Variants in SLC27A4 observed in about 807,000 individuals in gnomAD.
The protein encoded by SLC27A4 is long-chain fatty acid transport protein 4.
SLC27A4 carries 33 observed loss-of-function variants against 64.4 expected under a neutral mutation model. The observed-to-expected ratio is 0.51, with a 90% CI of 0.39 to 0.68. SLC27A4 has a LOEUF of 0.68. Among genes scored for constraint, SLC27A4 ranks in the 30% least tolerant of loss-of-function variants. The pLI is 0.00. For synonymous variants in SLC27A4, 377 were observed against 370.0 expected (o/e 1.02, Z -0.22); for missense variants, 824 against 883.5 (o/e 0.93, Z 0.85).
chr9:128,344,929 C>T (rs1832630453), intron 2 of SLC27A4, among the ~76,000 whole-genome samples: 1 of 152,146 alleles, frequency 6.6e-6, no homozygotes, highest in Non-Finnish European at 1.5e-5. Context: ...CCACGAGAGC[C>T]TTGATTTCCT....
At position 128,343,419 on chromosome 9, in the gene SLC27A4, C is replaced by T. The variant is rs1198733709; in HGVS notation, c.161+126C>T. The T allele has an allele frequency of 2.7e-6, 3 of 1,104,142 alleles. No homozygotes were observed. In the African/African-American group the frequency reaches 4.6e-5, roughly 17 times the overall value. The allele number at this position is 1,104,142 out of a possible 1,614,324, so 68.4% of individuals were successfully genotyped here. ...AGGGCAGCTGAGCTGAGTTCCAGAA[C>T]AGCAGCCTCTGCTCCACACCCGTAC... On this transcript the variant is annotated intron_variant, in intron 2 of 12. Transcript: ENST00000300456.
Position 128,353,246 on chromosome 9 carries a change from T to C in SLC27A4, c.1197+12T>C, listed in dbSNP as rs982098170. On this transcript the variant is annotated intron_variant, in intron 8 of 12. Transcript: ENST00000300456. The surrounding 1 kb of genome is among the most constrained non-coding windows in gnomAD (Gnocchi z 4.9). ...ACTTCGACAGCCAGGTGCGGCCAGGTTGGGGATGGGCGAGGCTGCTGCAGG... is the reference window on the plus strand; with the variant it reads ...ACTTCGACAGCCAGGTGCGGCCAGGCTGGGGATGGGCGAGGCTGCTGCAGG... 6.2e-7 allele frequency: 1 copy of C among 1,613,258 alleles called. No homozygotes were observed. The highest frequency in any genetic ancestry group is 1.3e-5 in the African/African-American group (1 of 74,838).
At chr9:128,347,622 G>A (rs1403493332) in intron 3 of SLC27A4, among the ~76,000 whole-genome samples, 1 of 151,374 alleles carries the variant, frequency 6.6e-6, no homozygotes, top group Non-Finnish European at 1.5e-5. Context: ...GGCTACTCAG[G>A]AGGCTGAGGC....
Position 128,345,345 on chromosome 9 carries a change from C to T in SLC27A4, c.352C>T (p.Leu118=), listed in dbSNP as rs587776376. ...GTACTCAAGCAGTGTAGCCAACTTC[C>T]TGCAGGCCCGGGGCCTGGCCTCGGG... ...DEYSSSVANF[L]QARGLASGDV... The change falls in exon 3 of 13, where the codon CTG becomes TTG. Residue 118 remains leucine (L), a synonymous_variant. Transcript: ENST00000300456. The surrounding 1 kb of genome is among the most constrained non-coding windows in gnomAD (Gnocchi z 4.1). 6.2e-7 allele frequency: 1 copy of T among 1,613,748 alleles called. No individual in the cohort carries two copies. Among genetic ancestry groups the T allele is most frequent in the East Asian group, 2.2e-5 (1 of 44,880 alleles).
chr9:128,357,129 G>T (rs1002197318), intron 12 of SLC27A4, among the ~76,000 whole-genome samples: 2 of 151,424 alleles, frequency 1.3e-5, no homozygotes, highest in East Asian at 3.9e-4. Context: ...AGGCATGGTG[G>T]TGGGCGCCTG....
chr9:128,359,830 A>AT (rs917228103), intron 12 of SLC27A4, among the ~76,000 whole-genome samples: 9 of 152,114 alleles, frequency 5.9e-5, no homozygotes, highest in African/African-American at 2.2e-4. Flanking sequence ...AATACCATGA[A>AT]TTTTTTATGT....
chr9:128,347,890 A>G (rs1270869822), intron 3 of SLC27A4, among the ~76,000 whole-genome samples: 1 of 151,684 alleles, frequency 6.6e-6, no homozygotes, highest in Non-Finnish European at 1.5e-5. Context: ...AAAAAAAAAA[A>G]AAAAGAAAGG....
intron 4 of SLC27A4, among the ~76,000 whole-genome samples, chr9:128,349,474 G>A (rs1030801027): frequency 3.3e-5 from 5 of 152,150 alleles, no homozygotes; most frequent in Non-Finnish European, 7.3e-5. Flanking sequence ...CTGAAGCTAG[G>A]GTGTGGCAGG....
rs1219271186 is a variant in SLC27A4, at chr9:128,353,274, T to C, written c.1197+40T>C. 6.2e-6 allele frequency: 10 copies of C among 1,610,864 alleles called. No individual in the cohort carries two copies. Among genetic ancestry groups the C allele is most frequent in the African/African-American group, 2.7e-5 (2 of 74,970 alleles). ...GGGATGGGCGAGGCTGCTGCAGGGA[T>C]GGCCCACAGAAGGCACTGGATGCAG... On this transcript the variant is annotated intron_variant, in intron 8 of 12. Transcript: ENST00000300456. This position sits in a 1 kb window ranked among gnomAD's most constrained non-coding sequence, Gnocchi z 4.9.
chr9:128,355,940 G>A (rs1378139645), intron 12 of SLC27A4, 144 bp downstream of exon 12: 1 of 1,071,050 alleles, frequency 9.3e-7, no homozygotes, highest in Non-Finnish European at 1.4e-6. Context: ...GAGGTGAGCA[G>A]ACGGGGCTGG....
In SLC27A4 at chr9:128,348,681, T is replaced by C; in HGVS notation, c.693T>C (p.Ser231=). 2 of 1,614,060 alleles carry C rather than the reference T, an allele frequency of 1.2e-6. No individual in the cohort carries two copies. The highest frequency in any genetic ancestry group is 1.7e-6 in the Non-Finnish European group (2 of 1,180,032). The part of the protein sequence containing the change: ...LLKDAPKHLP[S]CPDKGFTDKL... ...AAGATGCTCCCAAGCACCTTCCCAG[T>C]TGCCCTGACAAGGGCTTCACAGGTG... The change falls in exon 4 of 13, where the codon AGT becomes AGC. Residue 231 remains serine, a synonymous_variant. Coordinates refer to ENST00000300456, the MANE Select transcript of SLC27A4 (RefSeq NM_005094.4).
chr9:128,345,116 A>T lies in SLC27A4; in HGVS notation c.162-39A>T. ...AGGGTGTCAGGACCCCTCCCTCCCA[A>T]CCATGGCAGACACAGCGCCCTCTCT... On this transcript the variant is annotated intron_variant, in intron 2 of 12. Transcript: ENST00000300456. The surrounding 1 kb of genome is among the most constrained non-coding windows in gnomAD (Gnocchi z 4.1). 2 of 1,612,420 alleles carry T rather than the reference A, an allele frequency of 1.2e-6. No homozygotes were observed. The highest frequency in any genetic ancestry group is 1.7e-6 in the Non-Finnish European group (2 of 1,179,900).
chr9:128,351,755 T>A (rs1163253711), intron 6 of SLC27A4, among the ~76,000 whole-genome samples: 1 of 151,886 alleles, frequency 6.6e-6, no homozygotes, highest in Non-Finnish European at 1.5e-5. Context: ...AATTTAAAAA[T>A]AAAAATAAAC....
In SLC27A4 at chr9:128,340,838, G is replaced by C. The variant is rs1365158693; in HGVS notation, c.-7G>C. 1.5e-6 allele frequency: 1 copy of C among 685,084 alleles called. No individual in the cohort carries two copies. The highest frequency in any genetic ancestry group is 1.8e-5 in the African/African-American group (1 of 54,804). 42.4% of individuals were successfully genotyped at this position (685,084 alleles called of 1,614,324 possible). A position where few individuals can be genotyped will look rare whatever the true frequency, so the allele number is the denominator to read the frequency against. On this transcript the variant is annotated splice_region_variant and 5_prime_UTR_variant, in exon 1 of 13. Transcript: ENST00000300456. ...GCGCCGCGCGGCGGAGCCGACGCCG[G>C]GTGAGCATAGACCGGGCTGGTGGGT...
chr9:128,345,066 G>C lies in SLC27A4; in HGVS notation c.162-89G>C. On this transcript the variant is annotated intron_variant, in intron 2 of 12. Transcript: ENST00000300456. The surrounding 1 kb of genome is among the most constrained non-coding windows in gnomAD (Gnocchi z 4.1). ...TAGGGGGTCTGGCTCATGAAGCATA[G>C]GCTGGCGAGGCAGCAGCCTGGGGTA... The C allele has an allele frequency of 5.8e-6, 9 of 1,543,928 alleles. No individual in the cohort carries two copies. Among genetic ancestry groups the C allele is most frequent in the Non-Finnish European group, 8.0e-6 (9 of 1,129,054 alleles).
chr9:128,350,292 C>T lies in SLC27A4; in HGVS notation c.716-20C>T. The T allele has an allele frequency of 3.1e-6, 5 of 1,611,522 alleles. No individual in the cohort carries two copies. The highest frequency in any genetic ancestry group is 4.2e-6 in the Non-Finnish European group (5 of 1,179,544). The stretch of plus-strand genomic sequence containing the variant: ...AGCCCTGAGCTGCCCCCGACAGCCA[C>T]TCGCGTCTGTTTTCTTTAGATAAAC... On this transcript the variant is annotated intron_variant, in intron 4 of 12. Transcript: ENST00000300456.
At chr9:128,352,876 C>G (rs1468094023) in intron 7 of SLC27A4, 129 bp downstream of exon 7, 1 of 1,066,782 alleles carries the variant, frequency 9.4e-7, no homozygotes, top group Non-Finnish European at 1.4e-6. Context: ...GGCAAAGTTC[C>G]CATTGTTCAG....
Position 128,343,157 on chromosome 9 carries a change from G to C in SLC27A4, c.25G>C (p.Gly9Arg). MLLGASLV[G>R]VLLFSKLVLK... The stretch of plus-strand genomic sequence containing the variant: ...AATGCTGCTTGGAGCCTCTCTGGTG[G>C]GGGTGCTGCTGTTCTCCAAGCTGGT... Residue 9 changes from glycine (G) to arginine (R), a missense_variant, in exon 2 of 13, where the codon GGG (glycine) becomes CGG (arginine). By Grantham distance (125) the Gly-to-Arg change is moderately radical (BLOSUM62 -2). Transcript: ENST00000300456. 1 of 1,613,934 alleles carries C rather than the reference G, an allele frequency of 6.2e-7. No homozygotes were observed. Among genetic ancestry groups the C allele is most frequent in the Non-Finnish European group, 8.5e-7 (1 of 1,179,974 alleles).
At chr9:128,343,486 T>G (rs1832608991) in intron 2 of SLC27A4, among the ~76,000 whole-genome samples, 193 bp downstream of exon 2, 1 of 152,154 alleles carries the variant, frequency 6.6e-6, no homozygotes, top group South Asian at 2.1e-4. Flanking sequence ...AAGGTCAAAG[T>G]CTTCTCCCAG....
Sources: gnomAD v4.1 joint callset for allele counts (sites outside exome capture counted in the v4.1 genomes callset) on GRCh38, gnomAD v4.1.1 for gene constraint, Gnocchi (gnomAD v3.1) non-coding constraint, MANE v1.5 for transcripts, NCBI Gene and HGNC (gene_info 2026-07-23, HGNC 2026-07-21) for gene names.